The following ERRFI1 variants were observed in gnomAD, a reference collection of about 807,000 sequenced individuals.
ERRFI1 encodes the protein mitogen-inducible gene 6 protein.
In ERRFI1, 12 loss-of-function variants were observed where a neutral mutation model predicts 14.6. That is an observed-to-expected ratio of 0.82 (90% CI 0.53 to 1.33). The LOEUF (loss-of-function observed/expected upper bound fraction) is 1.33. Ranked by LOEUF, ERRFI1 falls within the 40% of genes most tolerant of loss-of-function variation. The pLI is 0.00. For missense variants in ERRFI1, 482 were observed against 572.1 expected, an observed-to-expected ratio of 0.84 and a Z score of 1.61; for synonymous variants, 202 against 209.9, an observed-to-expected ratio of 0.96 and a Z score of 0.32.
chr1:8,023,180 T>C (rs531609657), intron 1 of ERRFI1, among the ~76,000 whole-genome samples: 67 of 152,248 alleles, frequency 4.4e-4, no homozygotes, highest in Non-Finnish European at 6.6e-4. Context: ...ATCTGGGGTA[T>C]TGAATAAGAG....
intron 3 of ERRFI1, 143 bp from the exon 4 acceptor site, chr1:8,014,539 G>A: frequency 1.4e-6 from 1 of 705,694 alleles, no homozygotes; most frequent in East Asian, 2.7e-5. Flanking sequence ...GAACACCCAT[G>A]CAACCACCAC....
rs892743482 is a variant in ERRFI1 at position 8,018,507 on chromosome 1, A to C, written c.-73-2815T>G. ...GTCTTACAACTCATTAGAGGAAAAC[A>C]ATTGCAAAAATGTACCTATGTGGGG... On this transcript the variant is annotated intron_variant, in intron 1 of 3. Transcript: ENST00000377482. 2.6e-5 allele frequency among the ~76,000 whole-genome samples: 4 copies of C among 152,260 alleles called. No homozygotes were observed. The South Asian group carries it at 8.3e-4, about 32-fold the overall frequency.
intron 1 of ERRFI1, among the ~76,000 whole-genome samples, chr1:8,019,057 G>A (rs1641238813): frequency 6.6e-6 from 1 of 152,130 alleles, no homozygotes; most frequent in African/African-American, 2.4e-5. Flanking sequence ...TTAACCTGAG[G>A]CCATGTACAT....
chr1:8,013,303 T>C lies in ERRFI1; in HGVS notation c.1296A>G (p.Ile432Met). 3 of 1,614,250 alleles carry C rather than the reference T, an allele frequency of 1.9e-6. No individual in the cohort carries two copies. Among genetic ancestry groups the C allele is most frequent in the Non-Finnish European group, 1.7e-6 (2 of 1,180,044 alleles). The change falls in exon 4 of 4, where the codon ATA becomes ATG. Residue 432 changes from isoleucine (I) to methionine (M), a missense_variant. By Grantham distance (10) the Ile-to-Met change is conservative (BLOSUM62 1). Coordinates refer to ENST00000377482, the MANE Select transcript of ERRFI1 (RefSeq NM_018948.4). This position sits in a 1 kb window ranked among gnomAD's most constrained non-coding sequence, Gnocchi z 4.3. ...QIQPLPADCG[I>M]SSATEKPDSK... is the part of the protein sequence containing the mutation. ...AGTCTGGCTTTTCTGTGGCTGAAGATATACCGCAGTCAGCAGGTAATGGCT... is the reference window on the plus strand; with the variant it reads ...AGTCTGGCTTTTCTGTGGCTGAAGACATACCGCAGTCAGCAGGTAATGGCT...
intron 1 of ERRFI1, among the ~76,000 whole-genome samples, chr1:8,022,298 C>A (rs774878096): frequency 2.0e-5 from 3 of 152,314 alleles, no homozygotes; most frequent in African/African-American, 7.2e-5. Context: ...ATATACCCAA[C>A]GGGCCTCCTT....
At position 8,013,431 on chromosome 1, in the gene ERRFI1, T is replaced by C. The variant is rs750526051; in HGVS notation, c.1168A>G (p.Ser390Gly). Residue 390 changes from serine to glycine, a missense_variant, in exon 4 of 4, where the codon AGT (serine) becomes GGT (glycine). Ser to Gly is a moderately conservative substitution (Grantham distance 56). Coordinates refer to ENST00000377482, the MANE Select transcript of ERRFI1 (RefSeq NM_018948.4). This position sits in a 1 kb window ranked among gnomAD's most constrained non-coding sequence, Gnocchi z 4.3. ...GGTAGTAGGTAATAATGTGTTGAAC[T>C]AACCTTCTTCCCATTTTCAATAATG... ...LPIIENGKKV[S>G]STHYYLLPER... 4 of 1,614,116 alleles carry C rather than the reference T, an allele frequency of 2.5e-6. No homozygotes were observed. In the Admixed American group the frequency reaches 6.7e-5, roughly 27 times the overall value.
intron 1 of ERRFI1, among the ~76,000 whole-genome samples, chr1:8,024,733 T>C (rs544790755): frequency 6.6e-6 from 1 of 152,322 alleles, no homozygotes; most frequent in South Asian, 2.1e-4. Context: ...CTTGCTAATA[T>C]CTGGAAAAGA....
intron 1 of ERRFI1, among the ~76,000 whole-genome samples, chr1:8,023,171 T>A (rs1641296571): frequency 6.6e-6 from 1 of 152,250 alleles, no homozygotes; most frequent in African/African-American, 2.4e-5. Context: ...CAGTTTCACA[T>A]CTGGGGTATT....
In ERRFI1 at chr1:8,015,484, C is replaced by T. The variant is rs1304444287; in HGVS notation, c.125+11G>A. ...TATCCAGATTACAGCAGCATTACAT[C>T]CTCTACTTACTTTTTAAACTCACTG... On this transcript the variant is annotated intron_variant, in intron 2 of 3. Coordinates refer to ENST00000377482, the MANE Select transcript of ERRFI1 (RefSeq NM_018948.4). 6.2e-7 allele frequency: 1 copy of T among 1,614,116 alleles called. No homozygotes were observed. Among genetic ancestry groups the T allele is most frequent in the East Asian group, 2.2e-5 (1 of 44,884 alleles).
chr1:8,019,346 C>T (rs1641244596), intron 1 of ERRFI1, among the ~76,000 whole-genome samples: 1 of 152,176 alleles, frequency 6.6e-6, no homozygotes, highest in Non-Finnish European at 1.5e-5. Flanking sequence ...CCCCAAATCT[C>T]TGTTACAATT....
chr1:8,013,620 G>C lies in ERRFI1; in HGVS notation c.979C>G (p.Pro327Ala). The C allele has an allele frequency of 6.2e-7, 1 of 1,614,132 alleles. No homozygotes were observed. Among genetic ancestry groups the C allele is most frequent in the Non-Finnish European group, 8.5e-7 (1 of 1,180,026 alleles). Reference sequence around the variant, plus strand: ...GGACTCGGTGTGCGCGAGTTACTCGGTGACAAAGGTTCTCTTGGCGGTACT... The same window carrying C: ...GGACTCGGTGTGCGCGAGTTACTCGCTGACAAAGGTTCTCTTGGCGGTACT... ...PKVPPREPLS[P>A]SNSRTPSPKS... The change falls in exon 4 of 4, where the codon CCG becomes GCG. Residue 327 changes from proline to alanine, a missense_variant. Transcript: ENST00000377482. The surrounding 1 kb of genome is among the most constrained non-coding windows in gnomAD (Gnocchi z 4.3).
rs1641348274 is a variant in ERRFI1 at position 8,026,253 on chromosome 1, G to A, written c.-169C>T. ...GCTCAGGGGCCCGGACATCGCGCAG[G>A]CGCCTCTTGCTGGCTCGCGCTCCCG... On this transcript the variant is annotated 5_prime_UTR_variant, in exon 1 of 4. Transcript: ENST00000377482. 1 of 152,352 alleles carries A rather than the reference G, an allele frequency of 6.6e-6. No individual in the cohort carries two copies. Among genetic ancestry groups the A allele is most frequent in the African/African-American group, 2.4e-5 (1 of 41,422 alleles). 9.4% of individuals were successfully genotyped at this position (152,352 alleles called of 1,614,324 possible). A position where few individuals can be genotyped will look rare whatever the true frequency, so the allele number is the denominator to read the frequency against.
At chr1:8,021,042 T>C (rs1288845799) in intron 1 of ERRFI1, among the ~76,000 whole-genome samples, 10 of 152,302 alleles carry the variant, frequency 6.6e-5, no homozygotes, top group African/African-American at 2.4e-4. Context: ...AAGAAAAGCT[T>C]GATGGCTTCA....
chr1:8,024,054 T>C (rs1389927473), intron 1 of ERRFI1, among the ~76,000 whole-genome samples: 2 of 152,200 alleles, frequency 1.3e-5, no homozygotes, highest in East Asian at 3.8e-4. Flanking sequence ...GAGTTACCCC[T>C]GACACCTCCT....
At chr1:8,015,067 G>C (rs575244543) in intron 3 of ERRFI1, 9 of 470,462 alleles carry the variant, frequency 1.9e-5, no homozygotes, top group African/African-American at 7.7e-5. Context: ...CTTGATTTTA[G>C]AAGATCCCAC....
At chr1:8,014,588 G>A in intron 3 of ERRFI1, 192 bp from the exon 4 acceptor site, 1 of 580,052 alleles carries the variant, frequency 1.7e-6, no homozygotes, top group Non-Finnish European at 3.0e-6. Context: ...AACGCACATG[G>A]TGTGGTTCAA....
chr1:8,015,368 C>G lies in ERRFI1; in HGVS notation c.142G>C (p.Asp48His), dbSNP rs750577494. The G allele has an allele frequency of 1.9e-6, 3 of 1,614,098 alleles. No homozygotes were observed. Among genetic ancestry groups the G allele is most frequent in the Non-Finnish European group, 2.5e-6 (3 of 1,179,998 alleles). The change falls in exon 3 of 4, where the codon GAC (aspartate) becomes CAC (histidine). Residue 48 changes from aspartate to histidine, a missense_variant. Asp to His is a moderately conservative substitution (Grantham distance 81, BLOSUM62 -1). Transcript: ENST00000377482. The stretch of plus-strand genomic sequence containing the variant: ...AGACTGTAGGCCATGGTTATCGGGT[C>G]AATATTTAAAAAGTTGCTGAAAGGA... ...SEFKNNFLNI[D>H]PITMAYSLNS...
At chr1:8,014,441 T>G in intron 3 of ERRFI1, 45 bp from the exon 4 acceptor site, 2 of 1,503,090 alleles carry the variant, frequency 1.3e-6, no homozygotes, top group South Asian at 1.3e-5. Context: ...CAATCCTCTC[T>G]CCACCTGTGT....
chr1:8,015,754 G>C, intron 1 of ERRFI1, 62 bp from the exon 2 acceptor site: 1 of 1,090,308 alleles, frequency 9.2e-7, no homozygotes, highest in Non-Finnish European at 1.3e-6. Context: ...CATTAGGACA[G>C]TCTAAATTAC....
Sources: allele counts gnomAD v4.1 joint callset (sites outside exome capture counted in the v4.1 genomes callset), GRCh38; gene constraint gnomAD v4.1.1; non-coding constraint Gnocchi (gnomAD v3.1); transcripts MANE v1.5; gene names NCBI Gene and HGNC (gene_info 2026-07-23, HGNC 2026-07-21).